The following PRKN variants were observed in gnomAD, a reference collection of about 807,000 sequenced individuals.
PRKN encodes the protein parkin RBR E3 ubiquitin protein ligase.
In PRKN, 56 loss-of-function variants were observed where a neutral mutation model predicts 59.5. The observed-to-expected ratio is 0.94, with a 90% CI of 0.76 to 1.18. The LOEUF (loss-of-function observed/expected upper bound fraction) is 1.18. Ranked by LOEUF, PRKN falls within the 50% of genes most tolerant of loss-of-function variation. The pLI is 0.00. For synonymous variants in PRKN, 250 were observed against 222.1 expected (o/e 1.13, Z -1.12); for missense variants, 657 against 596.4 (o/e 1.10, Z -1.06).
At chr6:162,549,926 C>T (rs546639617) in intron 1 of PRKN, among the ~76,000 whole-genome samples, 6 of 152,162 alleles carry the variant, frequency 3.9e-5, no homozygotes, top group South Asian at 2.1e-4. Context: ...CGTGAGCCAC[C>T]GCACCCAGCC....
Position 161,545,954 on chromosome 6 carries a change from G to A in PRKN, c.1083+2900C>T, listed in dbSNP as rs192695821. 2.4e-4 allele frequency among the ~76,000 whole-genome samples: 36 copies of A among 152,264 alleles called. No homozygotes were observed. Among genetic ancestry groups the A allele is most frequent in the African/African-American group, 8.7e-4 (36 of 41,544 alleles). ...TCACAATATAAACAAATGGCATGGT[G>A]GCAAAGTAGTATTTAGGAAAAGCAA... On this transcript the variant is annotated intron_variant, in intron 9 of 11. Coordinates refer to ENST00000366898, the MANE Select transcript of PRKN (RefSeq NM_004562.3). The surrounding 1 kb of genome is among the most constrained non-coding windows in gnomAD (Gnocchi z 4.1).
At chr6:162,673,661 C>T (rs2849539) in intron 1 of PRKN, among the ~76,000 whole-genome samples, 97,747 of 152,112 alleles carry the variant, frequency 0.64, 32,481 homozygotes, top group African/African-American at 0.81. Context: ...GCTGGGATTA[C>T]AGGCGTGAGC....
At chr6:162,562,026 GA>G (rs1030238502) in intron 1 of PRKN, among the ~76,000 whole-genome samples, 17 of 152,114 alleles carry the variant, frequency 1.1e-4, no homozygotes, top group African/African-American at 4.1e-4. Context: ...CTCAGCTCCA[GA>G]AAAGACCCCT....
chr6:162,388,113 C>G (rs1562723695), intron 2 of PRKN, among the ~76,000 whole-genome samples: 1 of 152,162 alleles, frequency 6.6e-6, no homozygotes, highest in Non-Finnish European at 1.5e-5. Context: ...TGAATTCATG[C>G]AATTCTTGAG....
intron 9 of PRKN, among the ~76,000 whole-genome samples, chr6:161,437,614 T>C (rs1039869360): frequency 7.9e-5 from 12 of 152,168 alleles, no homozygotes; most frequent in African/African-American, 2.9e-4. Flanking sequence ...CTTTGGCTTT[T>C]TACACAGGTA....
At chr6:162,679,055 G>C (rs776436616) in intron 1 of PRKN, among the ~76,000 whole-genome samples, 1 of 149,284 alleles carries the variant, frequency 6.7e-6, no homozygotes, top group African/African-American at 2.5e-5. Context: ...GATTACAGAC[G>C]TGAGCCACTG....
chr6:161,767,490 C>G (rs968651247), intron 7 of PRKN, among the ~76,000 whole-genome samples: 12 of 148,306 alleles, frequency 8.1e-5, no homozygotes, highest in African/African-American at 3.0e-4. Context: ...GCACTCCCGC[C>G]TGGGCGACAG....
intron 6 of PRKN, among the ~76,000 whole-genome samples, chr6:161,861,692 A>G (rs1793909965): frequency 6.6e-6 from 1 of 151,884 alleles, no homozygotes; most frequent in African/African-American, 2.4e-5. Context: ...TAATCCCCAA[A>G]TCCTACCAAC....
At chr6:162,712,777 T>C (rs1253240186) in intron 1 of PRKN, among the ~76,000 whole-genome samples, 3 of 152,212 alleles carry the variant, frequency 2.0e-5, no homozygotes, top group Non-Finnish European at 2.9e-5. Context: ...TGTCCTAAAG[T>C]TGAACCTGTC....
At chr6:162,319,287 G>A (rs1376687366) in intron 2 of PRKN, among the ~76,000 whole-genome samples, 1 of 151,956 alleles carries the variant, frequency 6.6e-6, no homozygotes, top group Non-Finnish European at 1.5e-5. Flanking sequence ...GAATCTTTGG[G>A]GGTGGAGGAG....
chr6:161,458,938 A>G lies in PRKN; in HGVS notation c.1084-72061T>C, dbSNP rs564852278. Among the ~76,000 whole-genome samples the G allele has an allele frequency of 6.6e-6, 1 of 151,824 alleles. No individual in the cohort carries two copies. The highest frequency in any genetic ancestry group is 2.4e-5 in the African/African-American group (1 of 41,408). ...GTTTTTTTTTTTCTTTTTAAAGTGC[A>G]TATCTTTATTTGGACAGCCTCAAAT... is the stretch of plus-strand genomic sequence containing the variant. On this transcript the variant is annotated intron_variant, in intron 9 of 11. Transcript: ENST00000366898. The surrounding 1 kb of genome is among the most constrained non-coding windows in gnomAD (Gnocchi z 6.1).
intron 2 of PRKN, among the ~76,000 whole-genome samples, chr6:162,381,636 A>G (rs554905105): frequency 6.6e-6 from 1 of 152,282 alleles, no homozygotes; most frequent in African/African-American, 2.4e-5. Flanking sequence ...AGATGAGACT[A>G]TCTCTGGTAA....
intron 7 of PRKN, among the ~76,000 whole-genome samples, chr6:161,733,584 A>C (rs969959450): frequency 3.3e-5 from 5 of 151,982 alleles, no homozygotes; most frequent in Non-Finnish European, 7.4e-5. Flanking sequence ...TTGTCATGAC[A>C]TAATTGCCCA....
intron 6 of PRKN, among the ~76,000 whole-genome samples, chr6:161,882,872 G>C (rs149406867): frequency 6.6e-6 from 1 of 151,850 alleles, no homozygotes; most frequent in African/African-American, 2.4e-5. Context: ...GGGTGTGGTG[G>C]CGGGTGCTTG....
chr6:161,857,686 A>C (rs186587725), intron 6 of PRKN, among the ~76,000 whole-genome samples: 1 of 152,218 alleles, frequency 6.6e-6, no homozygotes, highest in African/African-American at 2.4e-5. Flanking sequence ...TGGCCAACTC[A>C]GTTTAAAAAA....
intron 6 of PRKN, among the ~76,000 whole-genome samples, chr6:161,793,819 TA>T (rs1275503368): frequency 1.3e-5 from 2 of 152,222 alleles, no homozygotes; most frequent in African/African-American, 4.8e-5. Flanking sequence ...CTACATAAAA[TA>T]ATATTGTAAA....
At chr6:162,697,116 T>C (rs1777998701) in intron 1 of PRKN, among the ~76,000 whole-genome samples, 1 of 151,798 alleles carries the variant, frequency 6.6e-6, no homozygotes, top group Admixed American at 6.6e-5. Flanking sequence ...GATAAGAGAG[T>C]GGGTAATTGA....
At chr6:161,453,603 G>A (rs904796413) in intron 9 of PRKN, among the ~76,000 whole-genome samples, 3 of 152,134 alleles carry the variant, frequency 2.0e-5, no homozygotes, top group Non-Finnish European at 2.9e-5. Flanking sequence ...CTCCTGCTCC[G>A]TTCCCAACCT....
Position 161,357,110 on chromosome 6 carries a change from G to A in PRKN, c.1285+2978C>T, listed in dbSNP as rs1049832932. Among the ~76,000 whole-genome samples, 1 of 138,796 alleles carries A rather than the reference G, an allele frequency of 7.2e-6. No individual in the cohort carries two copies. Among genetic ancestry groups the A allele is most frequent in the Admixed American group, 7.9e-5 (1 of 12,738 alleles). The allele number at this position is 138,796 out of a possible 152,430, so 91.1% of individuals were successfully genotyped here. On this transcript the variant is annotated intron_variant, in intron 11 of 11. Coordinates refer to ENST00000366898, the MANE Select transcript of PRKN (RefSeq NM_004562.3). The surrounding 1 kb of genome is among the most constrained non-coding windows in gnomAD (Gnocchi z 5.5). ...TCTGTCACTCAGGCTGGAGTGCAATGGCATGATCTCAGCTCACTGCAAATT... is the reference window on the plus strand; with the variant it reads ...TCTGTCACTCAGGCTGGAGTGCAATAGCATGATCTCAGCTCACTGCAAATT...
Sources: gnomAD v4.1 joint callset for allele counts (sites outside exome capture counted in the v4.1 genomes callset) on GRCh38, gnomAD v4.1.1 for gene constraint, Gnocchi (gnomAD v3.1) non-coding constraint, MANE v1.5 for transcripts, NCBI Gene and HGNC (gene_info 2026-07-23, HGNC 2026-07-21) for gene names.